The following IMMP2L variants were observed in gnomAD, a reference collection of about 807,000 sequenced individuals.
The protein encoded by IMMP2L is mitochondrial inner membrane protease subunit 2.
IMMP2L carries 18 observed loss-of-function variants against 19.3 expected under a neutral mutation model. That is an observed-to-expected ratio of 0.93 (90% CI 0.64 to 1.38). The LOEUF (loss-of-function observed/expected upper bound fraction) is 1.38, where lower values mean the gene tolerates loss of function less well. IMMP2L is among the 40% of genes most tolerant of loss of function. The pLI, the probability that IMMP2L is intolerant of heterozygous loss-of-function variation, is 0.00. For missense variants in IMMP2L, 233 were observed against 218.2 expected (o/e 1.07, Z -0.43); for synonymous variants, 76 against 73.0 (o/e 1.04, Z -0.21).
At chr7:111,308,421 C>T (rs2130202205) in intron 3 of IMMP2L, among the ~76,000 whole-genome samples, 1 of 151,910 alleles carries the variant, frequency 6.6e-6, no homozygotes, top group South Asian at 2.1e-4. Context: ...GGGGATAGTG[C>T]AGGAGTGAAA....
intron 3 of IMMP2L, among the ~76,000 whole-genome samples, chr7:111,026,309 T>C (rs1015110787): frequency 2.0e-5 from 3 of 152,112 alleles, no homozygotes; most frequent in African/African-American, 7.2e-5. Flanking sequence ...ATCTTTTTGC[T>C]CCCTATAAAA....
intron 3 of IMMP2L, among the ~76,000 whole-genome samples, chr7:111,270,388 T>A (rs1026053819): frequency 6.6e-6 from 1 of 152,124 alleles, no homozygotes; most frequent in Non-Finnish European, 1.5e-5. Context: ...TTCTTGAACA[T>A]AGTGACAGAA....
chr7:110,760,880 C>T lies in IMMP2L; in HGVS notation c.409-97159G>A, dbSNP rs1798313522. ...TGCAGACCTTAGAGGAAATTATGGC[C>T]CAACAAGCCACAGGAGCCAGAGAAG... On this transcript the variant is annotated intron_variant, in intron 5 of 5. Coordinates refer to ENST00000405709, the MANE Select transcript of IMMP2L (RefSeq NM_032549.4). This position sits in a 1 kb window ranked among gnomAD's most constrained non-coding sequence, Gnocchi z 4.2. Among the ~76,000 whole-genome samples, 1 of 152,024 alleles carries T rather than the reference C, an allele frequency of 6.6e-6. No homozygotes were observed. Among genetic ancestry groups the T allele is most frequent in the African/African-American group, 2.4e-5 (1 of 41,398 alleles).
chr7:111,431,083 G>C (rs1348450896), intron 3 of IMMP2L, among the ~76,000 whole-genome samples: 1 of 151,838 alleles, frequency 6.6e-6, no homozygotes, highest in African/African-American at 2.4e-5. Flanking sequence ...CTCCAGCCTA[G>C]GCAAAAGAGT....
intron 3 of IMMP2L, among the ~76,000 whole-genome samples, chr7:111,151,716 A>G (rs1313074674): frequency 3.1e-4 from 47 of 152,184 alleles, no homozygotes; most frequent in Admixed American, 3.1e-3. Flanking sequence ...AGGTGGGCAG[A>G]TGACCTGAGA....
chr7:111,289,626 T>G (rs575511656), intron 3 of IMMP2L, among the ~76,000 whole-genome samples: 38 of 152,188 alleles, frequency 2.5e-4, no homozygotes, highest in African/African-American at 8.4e-4. Context: ...ATTCTGAAAA[T>G]TTTAGGAAAG....
At chr7:110,966,603 AG>A (rs940996822) in intron 3 of IMMP2L, among the ~76,000 whole-genome samples, 1 of 152,038 alleles carries the variant, frequency 6.6e-6, no homozygotes, top group African/African-American at 2.4e-5. Context: ...GAGTATGCAA[AG>A]GGAGCTATCT....
intron 3 of IMMP2L, among the ~76,000 whole-genome samples, chr7:111,399,518 C>T (rs535448200): frequency 2.0e-5 from 3 of 152,070 alleles, no homozygotes; most frequent in South Asian, 2.1e-4. Flanking sequence ...CCATGCCTGC[C>T]TAATTTTTTT....
rs1336467459 is a variant in IMMP2L at position 111,021,169 on chromosome 7, T to TA, written c.240-57605dup. Among the ~76,000 whole-genome samples, 93 of 152,296 alleles carry TA rather than the reference T, an allele frequency of 6.1e-4. 1 individual carries two copies. The highest frequency in any genetic ancestry group is 2.1e-3 in the African/African-American group (88 of 41,576). On this transcript the variant is annotated intron_variant, in intron 3 of 5. Transcript: ENST00000405709. ...ACTATTCCTTATACCAGGAAACTCC[T>TA]AAAAAAGAGACTTGAGTTATAGGTT...
At chr7:110,895,403 A>G (rs895692697) in intron 4 of IMMP2L, among the ~76,000 whole-genome samples, 2 of 152,176 alleles carry the variant, frequency 1.3e-5, no homozygotes, top group African/African-American at 4.8e-5. Flanking sequence ...TGTTTATAGC[A>G]ATATCATACT....
At chr7:111,388,404 T>C (rs188732709) in intron 3 of IMMP2L, among the ~76,000 whole-genome samples, 407 of 152,210 alleles carry the variant, frequency 2.7e-3, no homozygotes, top group Middle Eastern at 0.014. Flanking sequence ...ATAAACCCTG[T>C]CGTTTGGAAT....
chr7:111,546,034 T>C (rs1848900796), intron 1 of IMMP2L, among the ~76,000 whole-genome samples: 1 of 152,126 alleles, frequency 6.6e-6, no homozygotes, highest in South Asian at 2.1e-4. Flanking sequence ...TGAAGATTAT[T>C]ACATTTCAGT....
chr7:110,775,287 G>C (rs894178494), intron 5 of IMMP2L, among the ~76,000 whole-genome samples: 6 of 151,128 alleles, frequency 4.0e-5, no homozygotes, highest in Non-Finnish European at 5.9e-5. Flanking sequence ...GTGTGGTTCT[G>C]ATCTAATACA....
chr7:111,419,557 G>A (rs1043486974), intron 3 of IMMP2L, among the ~76,000 whole-genome samples: 10 of 151,678 alleles, frequency 6.6e-5, no homozygotes, highest in South Asian at 2.1e-4. Flanking sequence ...TCAAAAGAAG[G>A]CAATCATTTG....
intron 5 of IMMP2L, among the ~76,000 whole-genome samples, chr7:110,749,429 T>A (rs1244275719): frequency 6.6e-6 from 1 of 152,106 alleles, no homozygotes; most frequent in African/African-American, 2.4e-5. Flanking sequence ...CATTATACTA[T>A]AAAGACACAT....
chr7:111,340,565 A>C (rs1389965015), intron 3 of IMMP2L, among the ~76,000 whole-genome samples: 1 of 152,044 alleles, frequency 6.6e-6, no homozygotes, highest in African/African-American at 2.4e-5. Flanking sequence ...CTAGGGCAGA[A>C]CATGTATGTA....
At chr7:111,204,884 A>G (rs1318335002) in intron 3 of IMMP2L, among the ~76,000 whole-genome samples, 1 of 152,220 alleles carries the variant, frequency 6.6e-6, no homozygotes, top group Non-Finnish European at 1.5e-5. Context: ...AAGTGTGACA[A>G]TATAGTAATC....
chr7:110,808,434 G>A (rs1486959876), intron 5 of IMMP2L, among the ~76,000 whole-genome samples: 1 of 152,010 alleles, frequency 6.6e-6, no homozygotes, highest in African/African-American at 2.4e-5. Context: ...AGCCCTTTAT[G>A]AATGAATGCA....
chr7:110,986,821 TAAAAAA>T (rs79747185), intron 3 of IMMP2L, among the ~76,000 whole-genome samples: 1 of 132,858 alleles, frequency 7.5e-6, no homozygotes, highest in Non-Finnish European at 1.6e-5. Context: ...TCTTAGTTAG[TAAAAAA>T]AAAAAAAAAA....
Sources: allele counts gnomAD v4.1 joint callset (sites outside exome capture counted in the v4.1 genomes callset), GRCh38; gene constraint gnomAD v4.1.1; non-coding constraint Gnocchi (gnomAD v3.1); transcripts MANE v1.5; gene names NCBI Gene and HGNC (gene_info 2026-07-23, HGNC 2026-07-21).